The following VPS41 variants were observed in gnomAD, a reference collection of about 807,000 sequenced individuals.
VPS41 encodes the protein vacuolar protein sorting-associated protein 41 homolog.
VPS41 carries 85 observed loss-of-function variants against 130.9 expected under a neutral mutation model. The ratio of observed to expected loss-of-function variants is 0.65; its 90% confidence interval spans 0.55 to 0.78. The LOEUF is 0.78. Ranked by LOEUF, VPS41 falls within the 30% of genes least tolerant of loss-of-function variation. The pLI, the probability that VPS41 is intolerant of heterozygous loss-of-function variation, is 0.00. For missense variants in VPS41, 874 were observed against 1,018.7 expected (o/e 0.86, Z 1.93); for synonymous variants, 335 against 332.9 (o/e 1.01, Z -0.07).
chr7:38,766,933 G>A (rs1012937991), intron 15 of VPS41, among the ~76,000 whole-genome samples: 1 of 152,118 alleles, frequency 6.6e-6, no homozygotes, highest in Non-Finnish European at 1.5e-5. Context: ...ATCTTTATTA[G>A]CAGTGTGAGA....
intron 2 of VPS41, among the ~76,000 whole-genome samples, chr7:38,885,482 C>T (rs540313360): frequency 2.6e-5 from 4 of 152,286 alleles, no homozygotes; most frequent in South Asian, 2.1e-4. Context: ...GCTCAATTTC[C>T]TCTTCCTGCA....
chr7:38,824,693 GA>G (rs1358740085), intron 5 of VPS41, among the ~76,000 whole-genome samples: 1 of 152,156 alleles, frequency 6.6e-6, no homozygotes, highest in African/African-American at 2.4e-5. Context: ...GTGCCAAACT[GA>G]AAAGAACATG....
intron 10 of VPS41, among the ~76,000 whole-genome samples, chr7:38,778,497 T>C (rs1036412550): frequency 6.6e-6 from 1 of 152,202 alleles, no homozygotes; most frequent in East Asian, 1.9e-4. Context: ...ATGAAAGAGA[T>C]GGCAGTTTCA....
chr7:38,805,766 T>C (rs1484653418), intron 7 of VPS41, among the ~76,000 whole-genome samples: 1 of 152,170 alleles, frequency 6.6e-6, no homozygotes, highest in Non-Finnish European at 1.5e-5. Context: ...CATGGTAACA[T>C]ATGTTCATCC....
intron 10 of VPS41, among the ~76,000 whole-genome samples, chr7:38,780,229 AAGGT>A (rs1784332788): frequency 1.3e-5 from 2 of 151,222 alleles, no homozygotes; most frequent in Admixed American, 6.6e-5. Flanking sequence ...AGAGTTCCTA[AAGGT>A]AGCCACAAAA....
chr7:38,855,545 C>G (rs1452995465), intron 4 of VPS41, among the ~76,000 whole-genome samples: 2 of 152,110 alleles, frequency 1.3e-5, no homozygotes, highest in East Asian at 1.9e-4. Flanking sequence ...AGATGAGGAA[C>G]CAGTCACAAA....
At chr7:38,759,351 G>C (rs557811705) in intron 17 of VPS41, among the ~76,000 whole-genome samples, 21 of 152,302 alleles carry the variant, frequency 1.4e-4, no homozygotes, top group African/African-American at 5.1e-4. Flanking sequence ...CAGAAGTGTT[G>C]TGTTGTGAGA....
At chr7:38,902,405 A>G (rs2116454864) in intron 1 of VPS41, among the ~76,000 whole-genome samples, 1 of 152,240 alleles carries the variant, frequency 6.6e-6, no homozygotes, top group Middle Eastern at 3.4e-3. Context: ...CTGTGCCACA[A>G]GTGGCAAATC....
At chr7:38,804,643 G>C (rs1479224594) in intron 7 of VPS41, among the ~76,000 whole-genome samples, 1 of 152,200 alleles carries the variant, frequency 6.6e-6, no homozygotes, top group African/African-American at 2.4e-5. Flanking sequence ...TTTAGGAGCA[G>C]CTTTCTTTGC....
At chr7:38,900,582 C>A (rs996816847) in intron 1 of VPS41, among the ~76,000 whole-genome samples, 7 of 152,130 alleles carry the variant, frequency 4.6e-5, no homozygotes, top group African/African-American at 1.7e-4. Flanking sequence ...CAATTTCAAT[C>A]CAAAAACTCA....
At chr7:38,817,255 A>C (rs1785071492) in intron 7 of VPS41, among the ~76,000 whole-genome samples, 1 of 152,130 alleles carries the variant, frequency 6.6e-6, no homozygotes, top group Non-Finnish European at 1.5e-5. Context: ...GCAATGTTTC[A>C]AAGCTCTAGA....
intron 4 of VPS41, among the ~76,000 whole-genome samples, chr7:38,859,465 ATGTATCATT>A (rs1174289170): frequency 2.6e-5 from 4 of 152,058 alleles, no homozygotes; most frequent in Non-Finnish European, 4.4e-5. Context: ...TCCTGTACAG[ATGTATCATT>A]TGTCATCTTT....
At chr7:38,784,601 C>G (rs988082225) in intron 10 of VPS41, among the ~76,000 whole-genome samples, 2 of 142,222 alleles carry the variant, frequency 1.4e-5, no homozygotes, top group Admixed American at 1.5e-4. Flanking sequence ...TGCCACTGCA[C>G]TAAAGCCTGG....
At chr7:38,883,707 G>A (rs1786662124) in intron 2 of VPS41, among the ~76,000 whole-genome samples, 1 of 151,966 alleles carries the variant, frequency 6.6e-6, no homozygotes, top group Admixed American at 6.6e-5. Flanking sequence ...TTTTCTTCTA[G>A]GTAGTGAAAT....
intron 13 of VPS41, 40 bp from the exon 14 acceptor site, chr7:38,771,294 AGCAG>A: frequency 4.2e-6 from 6 of 1,423,570 alleles, no homozygotes; most frequent in Non-Finnish European, 5.8e-6. Context: ...AAAAAAAAAA[AGCAG>A]AAAAGGAGGG....
intron 2 of VPS41, among the ~76,000 whole-genome samples, chr7:38,869,579 T>C (rs1201592408): frequency 6.6e-6 from 1 of 152,184 alleles, no homozygotes; most frequent in East Asian, 1.9e-4. Flanking sequence ...ATAAAGTTAG[T>C]AATCAATATT....
chr7:38,881,823 C>A (rs112735583), intron 2 of VPS41, among the ~76,000 whole-genome samples: 5 of 152,240 alleles, frequency 3.3e-5, no homozygotes, highest in Middle Eastern at 3.4e-3. Context: ...TCAATTCATT[C>A]ATTCACTGAC....
At chr7:38,847,947 T>C (rs1035467714) in intron 4 of VPS41, among the ~76,000 whole-genome samples, 2 of 152,200 alleles carry the variant, frequency 1.3e-5, no homozygotes, top group Admixed American at 1.3e-4. Flanking sequence ...TTTAAATAAC[T>C]GAGACCAAGT....
intron 1 of VPS41, among the ~76,000 whole-genome samples, chr7:38,901,757 G>C (rs1787150691): frequency 6.6e-6 from 1 of 152,102 alleles, no homozygotes. Flanking sequence ...TGGTTAAGGT[G>C]GGGGTGGCTC....
Sources: gnomAD v4.1 joint callset for allele counts (sites outside exome capture counted in the v4.1 genomes callset) on GRCh38, gnomAD v4.1.1 for gene constraint, MANE v1.5 for transcripts, NCBI Gene and HGNC (gene_info 2026-07-23, HGNC 2026-07-21) for gene names.